The following DYNC2H1 variants were observed in gnomAD, a reference collection of about 807,000 sequenced individuals.
The protein encoded by DYNC2H1 is cytoplasmic dynein 2 heavy chain 1.
A neutral mutation model predicts 570.0 loss-of-function variants in DYNC2H1; 410 were observed. The ratio of observed to expected loss-of-function variants is 0.72; its 90% CI spans 0.66 to 0.78. DYNC2H1 has a LOEUF of 0.78. Among genes scored for constraint, DYNC2H1 ranks in the 30% least tolerant of loss-of-function variants. The pLI is 0.00. For synonymous variants in DYNC2H1, 1,688 were observed against 1,677.6 expected, an observed-to-expected ratio of 1.01 and a Z score of -0.15; for missense variants, 4,865 against 5,046.4, an observed-to-expected ratio of 0.96 and a Z score of 1.09.
intron 2 of DYNC2H1, 70 bp from the exon 3 acceptor site, chr11:103,114,033 T>G: frequency 6.4e-7 from 1 of 1,556,962 alleles, no homozygotes; most frequent in Admixed American, 1.9e-5. Flanking sequence ...TTTTGGACAG[T>G]GTTTTGGGAA....
chr11:103,272,772 T>C (rs545504556), intron 70 of DYNC2H1, among the ~76,000 whole-genome samples: 129 of 152,262 alleles, frequency 8.5e-4, no homozygotes, highest in Admixed American at 1.3e-3. Context: ...TATAATTATT[T>C]ACTAGAGTGT....
intron 70 of DYNC2H1, among the ~76,000 whole-genome samples, chr11:103,267,994 A>G (rs1485825890): frequency 3.3e-5 from 5 of 152,132 alleles, no homozygotes; most frequent in African/African-American, 1.2e-4. Flanking sequence ...ACTCTCAGTG[A>G]ATATTAGATT....
intron 70 of DYNC2H1, among the ~76,000 whole-genome samples, chr11:103,274,953 G>A (rs1865851160): frequency 6.6e-6 from 1 of 152,092 alleles, no homozygotes. Flanking sequence ...AAATTAGCCA[G>A]GTGTGGTGGC....
intron 80 of DYNC2H1, among the ~76,000 whole-genome samples, chr11:103,318,821 T>G (rs1337611784): frequency 6.6e-6 from 1 of 152,054 alleles, no homozygotes; most frequent in East Asian, 1.9e-4. Context: ...TTGCCCAAAA[T>G]AAAAAATAAA....
rs1246046496 is a variant in DYNC2H1, at chr11:103,135,741, G to A, written c.2367G>A (p.Arg789=). ...LTYKQGRLQF[R]PPFEEIRAKY... ...TTAGACAGGGACGATTACAATTCAG[G>A]CCCCCTTTTGAAGAAATCCGGGCTA... The change falls in exon 17 of 89, where the codon AGG becomes AGA. Residue 789 remains arginine, a synonymous_variant. Coordinates refer to ENST00000375735, the MANE Select transcript of DYNC2H1 (RefSeq NM_001377.3). 9 of 1,609,370 alleles carry A rather than the reference G, an allele frequency of 5.6e-6. No individual in the cohort carries two copies. The highest frequency in any genetic ancestry group is 7.6e-6 in the Non-Finnish European group (9 of 1,177,618).
In DYNC2H1 at chr11:103,189,720, A is replaced by C; in HGVS notation, c.7341A>C (p.Glu2447Asp). ...AAACGATTTATGGAGCATATTTGGA[A>C]CCAGTTCTACATAAAAATCTGAAGA... is the stretch of plus-strand genomic sequence containing the variant. ...QLQTIYGAYLEPVLHKNLKNH... is the reference protein window; with the variant it reads ...QLQTIYGAYLDPVLHKNLKNH... Residue 2447 changes from glutamate (E) to aspartate (D), a missense_variant, in exon 45 of 89, where the codon GAA (glutamate) becomes GAC (aspartate). Glu to Asp is a conservative substitution (Grantham distance 45, BLOSUM62 2). Around this residue, in one of 5 missense-constraint regions of DYNC2H1, gnomAD observed 2,401 missense variants for 2,454.6 expected, o/e 0.98. Coordinates refer to ENST00000375735, the MANE Select transcript of DYNC2H1 (RefSeq NM_001377.3). The surrounding 1 kb of genome is among the most constrained non-coding windows in gnomAD (Gnocchi z 4.3). 6.2e-7 allele frequency: 1 copy of C among 1,613,014 alleles called. No individual in the cohort carries two copies. The highest frequency in any genetic ancestry group is 1.1e-5 in the South Asian group (1 of 91,036).
chr11:103,125,305 T>G lies in DYNC2H1; in HGVS notation c.1857+10T>G. 1 of 1,577,466 alleles carries G rather than the reference T, an allele frequency of 6.3e-7. No homozygotes were observed. Among genetic ancestry groups the G allele is most frequent in the Non-Finnish European group, 8.6e-7 (1 of 1,159,856 alleles). ...AATTATTCTTAAACAAGTATGAAAT[T>G]ACATTTTTTGAATACCTGCCTATTT... On this transcript the variant is annotated intron_variant, in intron 12 of 88. Coordinates refer to ENST00000375735, the MANE Select transcript of DYNC2H1 (RefSeq NM_001377.3).
chr11:103,320,396 C>T (rs773129027), intron 80 of DYNC2H1, among the ~76,000 whole-genome samples: 94 of 151,566 alleles, frequency 6.2e-4, no homozygotes, highest in Non-Finnish European at 1.6e-4. Context: ...AGTGAGACAC[C>T]GTCTCAAAAA....
At position 103,170,153 on chromosome 11, in the gene DYNC2H1, T is replaced by C. The variant is rs1184147933; in HGVS notation, c.5014T>C (p.Tyr1672His). The change falls in exon 33 of 89, where the codon TAC becomes CAC. Residue 1672 changes from tyrosine to histidine, a missense_variant. Tyr to His is a moderately conservative substitution (Grantham distance 83, BLOSUM62 2). Coordinates refer to ENST00000375735, the MANE Select transcript of DYNC2H1 (RefSeq NM_001377.3). The surrounding 1 kb of genome is among the most constrained non-coding windows in gnomAD (Gnocchi z 4.8). ...TTATACTCCACTGACAGACAAGTGCTACTTAACTCTCACTCAAGCCATGAA... is the reference window on the plus strand; with the variant it reads ...TTATACTCCACTGACAGACAAGTGCCACTTAACTCTCACTCAAGCCATGAA... ...LVYTPLTDKC[Y>H]LTLTQAMKMG... The C allele has an allele frequency of 1.2e-6, 2 of 1,613,008 alleles. No homozygotes were observed. Among genetic ancestry groups the C allele is most frequent in the Non-Finnish European group, 1.7e-6 (2 of 1,179,472 alleles).
Position 103,245,328 on chromosome 11 carries a change from A to G in DYNC2H1, c.9996A>G (p.Val3332=), listed in dbSNP as rs1423584318. 1.3e-6 allele frequency: 2 copies of G among 1,579,370 alleles called. 1 individual carries two copies. The change falls in exon 65 of 89, where the codon GTA becomes GTG. Residue 3332 remains valine, a synonymous_variant. Transcript: ENST00000375735. The surrounding 1 kb of genome is among the most constrained non-coding windows in gnomAD (Gnocchi z 4.5). ...TTATTATACAAGAGATGGATGGTGT[A>G]GAACCTGTTCTTTATCCATTATTGA... is the stretch of plus-strand genomic sequence containing the variant. ...KTLIIQEMDG[V]EPVLYPLLRR...
intron 31 of DYNC2H1, among the ~76,000 whole-genome samples, chr11:103,166,467 T>C (rs1033054446): frequency 6.6e-6 from 1 of 152,148 alleles, no homozygotes; most frequent in Admixed American, 6.5e-5. Flanking sequence ...TCTGGTGTCA[T>C]TTTCCTTCTG....
Position 103,114,141 on chromosome 11 carries a change from G to C in DYNC2H1, c.405G>C (p.Gln135His). 1 of 1,609,924 alleles carries C rather than the reference G, an allele frequency of 6.2e-7. No individual in the cohort carries two copies. Among genetic ancestry groups the C allele is most frequent in the Non-Finnish European group, 8.5e-7 (1 of 1,177,908 alleles). Residue 135 changes from glutamine (Q) to histidine (H), a missense_variant, in exon 3 of 89, where the codon CAG becomes CAC. This residue lies in a region of DYNC2H1 where 1,936 missense variants were observed against 1,962.1 expected (regional missense o/e 0.99). Transcript: ENST00000375735. ...GCAGAAACTTTGATCCCAAACTTCA[G>C]AATCTTTTGAGTGAACTAGAAGCTG... ...EWSRNFDPKL[Q>H]NLLSELEAGL...
intron 6 of DYNC2H1, among the ~76,000 whole-genome samples, 174 bp downstream of exon 6, chr11:103,118,037 G>T (rs1858507071): frequency 6.6e-6 from 1 of 152,018 alleles, no homozygotes; most frequent in Non-Finnish European, 1.5e-5. Flanking sequence ...TTTTTATTTT[G>T]TGTGAGACTG....
At chr11:103,416,846 C>T (rs61900661) in intron 84 of DYNC2H1, among the ~76,000 whole-genome samples, 23,086 of 152,082 alleles carry the variant, frequency 0.15, 1,922 homozygotes, top group Admixed American at 0.24. Flanking sequence ...AACAGACAAC[C>T]TATAGAATGG....
chr11:103,235,669 C>T lies in DYNC2H1; in HGVS notation c.9568-3C>T, dbSNP rs1343199493. 1.3e-6 allele frequency: 2 copies of T among 1,596,494 alleles called. No individual in the cohort carries two copies. Among genetic ancestry groups the T allele is most frequent in the Non-Finnish European group, 1.7e-6 (2 of 1,171,284 alleles). The stretch of plus-strand genomic sequence containing the variant: ...CCCTCTTTCTTCTCTCTCTTTTTTC[C>T]AGGTTGTAGAGATAACAGAGGAATT... On this transcript the variant is annotated splice_polypyrimidine_tract_variant and splice_region_variant and intron_variant, in intron 61 of 88. Transcript: ENST00000375735.
rs1860224520 is a variant in DYNC2H1, at chr11:103,146,034, G to C, written c.2703-1738G>C. Among the ~76,000 whole-genome samples, 2 of 152,120 alleles carry C rather than the reference G, an allele frequency of 1.3e-5. 1 individual carries two copies. Among genetic ancestry groups the C allele is most frequent in the South Asian group, 4.1e-4 (2 of 4,838 alleles). On this transcript the variant is annotated intron_variant, in intron 18 of 88. Transcript: ENST00000375735. ...ATGTATCAAGTATCATAAATCATGA[G>C]TCTTTACGTGTCAGGATTTCAGAAA... is the stretch of plus-strand genomic sequence containing the variant.
intron 34 of DYNC2H1, 36 bp downstream of exon 34, chr11:103,171,104 A>G: frequency 3.3e-6 from 5 of 1,502,384 alleles, no homozygotes; most frequent in Non-Finnish European, 4.5e-6. Flanking sequence ...GAATTAAAAT[A>G]TTTTGTAAGA....
chr11:103,206,232 T>C (rs1862918072), intron 52 of DYNC2H1, among the ~76,000 whole-genome samples: 1 of 152,138 alleles, frequency 6.6e-6, no homozygotes, highest in Non-Finnish European at 1.5e-5. Context: ...TCTGAATATT[T>C]GGCTTGAGCA....
At chr11:103,215,681 CT>C (rs762294336) in intron 54 of DYNC2H1, 39 bp from the exon 55 acceptor site, 47 of 1,507,140 alleles carry the variant, frequency 3.1e-5, no homozygotes, top group Non-Finnish European at 4.0e-5. Context: ...TGTAAAATTC[CT>C]TTTTTAAAAT....
Sources: gnomAD v4.1 joint callset for allele counts (sites outside exome capture counted in the v4.1 genomes callset) on GRCh38, gnomAD v4.1.1 for gene constraint, gnomAD v4.1.1 regional missense constraint, Gnocchi (gnomAD v3.1) non-coding constraint, MANE v1.5 for transcripts, NCBI Gene and HGNC (gene_info 2026-07-23, HGNC 2026-07-21) for gene names.